The following COL6A5 variants were observed in gnomAD, a reference collection of about 807,000 sequenced individuals.
COL6A5 encodes collagen type VI alpha 5 chain.
COL6A5 carries 48 observed loss-of-function variants against 65.6 expected under a neutral mutation model. The ratio of observed to expected loss-of-function variants is 0.73; its 90% CI spans 0.58 to 0.93. The LOEUF (loss-of-function observed/expected upper bound fraction) is 0.93, where lower values mean the gene tolerates loss of function less well. Ranked by LOEUF, COL6A5 falls within the 40% of genes least tolerant of loss-of-function variation. COL6A5 has a pLI of 0.00. For synonymous variants in COL6A5, 291 were observed against 322.8 expected, an observed-to-expected ratio of 0.90 and a Z score of 1.05; for missense variants, 914 against 928.3, an observed-to-expected ratio of 0.98 and a Z score of 0.20.
upstream of COL6A5, chr3:130,431,407 G>T: frequency 6.5e-7 from 1 of 1,535,026 alleles, no homozygotes. Context: ...GTAAAGAGTT[G>T]GGGAAAGGAT....
rs1246004535 is a variant in COL6A5 at position 130,440,377 on chromosome 3, T to G, written c.795T>G (p.Tyr265Ter). 6.2e-7 allele frequency: 1 copy of G among 1,613,576 alleles called. No individual in the cohort carries two copies. Among genetic ancestry groups the G allele is most frequent in the Non-Finnish European group, 8.5e-7 (1 of 1,179,706 alleles). Residue 265 changes from tyrosine (Y) to a stop codon, truncating the protein, a stop_gained, in exon 3 of 8, where the codon TAT (tyrosine) becomes TAG (stop). Coordinates refer to ENST00000512836, the Ensembl canonical transcript of COL6A5. LOFTEE classifies it high-confidence loss of function. ...GTGATAGGATTGCTTTGTTGAGCTATTCTCCTTGGGAAAGTTCCAGGAGAA... is the reference window on the plus strand; with the variant it reads ...GTGATAGGATTGCTTTGTTGAGCTAGTCTCCTTGGGAAAGTTCCAGGAGAA...
At position 130,401,872 on chromosome 3, in the gene COL6A5, T is replaced by C. The variant is rs1413182867; in HGVS notation, c.4227+18T>C. 6.5e-7 allele frequency: 1 copy of C among 1,527,326 alleles called. No individual in the cohort carries two copies. Among genetic ancestry groups the C allele is most frequent in the African/African-American group, 1.4e-5 (1 of 72,690 alleles). 94.6% of individuals were successfully genotyped at this position (1,527,326 alleles called of 1,614,324 possible). A position where few individuals can be genotyped will look rare whatever the true frequency, so the allele number is the denominator to read the frequency against. ...CCATGAAGGTGCCACTCACCTGTGA[T>C]ACTATTTTATCTAATGTGCCTTGAT... On this transcript the variant is annotated intron_variant and NMD_transcript_variant, in intron 12 of 41. Coordinates refer to the COL6A5 transcript ENST00000312481.
intron 5 of COL6A5, among the ~76,000 whole-genome samples, chr3:130,459,039 T>C (rs1272006593): frequency 6.6e-6 from 1 of 152,160 alleles, no homozygotes; most frequent in African/African-American, 2.4e-5. Context: ...TTTTAAATGT[T>C]GTATTAACCA....
intron 1 of COL6A5, among the ~76,000 whole-genome samples, chr3:130,351,798 C>G (rs1396795047): frequency 6.6e-6 from 1 of 152,188 alleles, no homozygotes; most frequent in Non-Finnish European, 1.5e-5. Context: ...CCAGTGGTCT[C>G]TTTACTGGGT....
Position 130,423,824 on chromosome 3 carries a change from A to G in COL6A5, c.5101-14A>G, listed in dbSNP as rs1181937731. The G allele has an allele frequency of 6.5e-7, 1 of 1,544,904 alleles. No homozygotes were observed. The highest frequency in any genetic ancestry group is 2.4e-5 in the East Asian group (1 of 40,886). On this transcript the variant is annotated splice_polypyrimidine_tract_variant and intron_variant and NMD_transcript_variant, in intron 28 of 41. Coordinates refer to the COL6A5 transcript ENST00000312481. The stretch of plus-strand genomic sequence containing the variant: ...AGTGTTGAAACTAATGTATTAATAT[A>G]TTCCTATCTGCAGCTCACTGTAGGC...
At chr3:130,482,330 G>A (rs1482526656) in intron 7 of COL6A5, among the ~76,000 whole-genome samples, 2 of 152,114 alleles carry the variant, frequency 1.3e-5, no homozygotes, top group Admixed American at 1.3e-4. Context: ...GTTTTTGTCA[G>A]GTTTGTCAAA....
At chr3:130,435,064 T>C (rs1384682646) in intron 1 of COL6A5, among the ~76,000 whole-genome samples, 3 of 152,250 alleles carry the variant, frequency 2.0e-5, no homozygotes, top group Non-Finnish European at 4.4e-5. Flanking sequence ...AGGGTTTTTA[T>C]GGTTTTGGGT....
rs79845192 is a variant in COL6A5 at position 130,455,589 on chromosome 3, A to G, written c.1469A>G (p.Gln490Arg). Residue 490 changes from glutamine to arginine, a missense_variant, in exon 5 of 8, where the codon CAA becomes CGA. Transcript: ENST00000512836. Reference sequence around the variant, plus strand: ...GACTATTTGGTTTACCTTCCAAGCCAAATGTTTGAGCCACAAAAATTAATG... The same window carrying G: ...GACTATTTGGTTTACCTTCCAAGCCGAATGTTTGAGCCACAAAAATTAATG... The G allele has an allele frequency of 2.8e-3, 4,575 of 1,613,316 alleles. 128 individuals carry two copies. The Admixed American group carries it at 0.047, about 17-fold the overall frequency.
chr3:130,390,113 A>G (rs942512998), intron 6 of COL6A5, among the ~76,000 whole-genome samples: 1 of 152,194 alleles, frequency 6.6e-6, no homozygotes, highest in Non-Finnish European at 1.5e-5. Flanking sequence ...AGTGATTCCA[A>G]AACTCTTGAT....
intron 23 of COL6A5, among the ~76,000 whole-genome samples, chr3:130,416,476 C>T (rs1056155131): frequency 1.3e-5 from 2 of 152,096 alleles, no homozygotes; most frequent in Non-Finnish European, 2.9e-5. Flanking sequence ...TTGGGAATAG[C>T]ATGTGTTGAC....
At position 130,439,619 on chromosome 3, in the gene COL6A5, A is replaced by G. The variant is rs1022238244; in HGVS notation, c.581+4A>G. On this transcript the variant is annotated splice_donor_region_variant and intron_variant, in intron 2 of 7. Transcript: ENST00000512836. ...CGGCGCTGTGCACTTTGCTATGGTA[A>G]GACCAATGAAGAGAATTGACTGTGC... is the stretch of plus-strand genomic sequence containing the variant. 13 of 1,545,252 alleles carry G rather than the reference A, an allele frequency of 8.4e-6. No homozygotes were observed. The highest frequency in any genetic ancestry group is 5.9e-5 in the Admixed American group (3 of 50,924).
At chr3:130,484,574 A>G (rs879784377) in exon 8 of COL6A5, 4 of 398,914 alleles carry the variant, frequency 1.0e-5, no homozygotes, top group Admixed American at 8.8e-5. Context: ...TCAGGCTGCT[A>G]TGACCCATAG....
At chr3:130,394,713 C>T (rs79460009) in intron 7 of COL6A5, among the ~76,000 whole-genome samples, 177 bp from the exon 8 acceptor site, 3,843 of 152,128 alleles carry the variant, frequency 0.025, 87 homozygotes, top group East Asian at 0.081. Context: ...ATTATCTTTC[C>T]TCCTCTTGCT....
At chr3:130,439,636 T>C (rs1041899805) in intron 2 of COL6A5, 21 bp downstream of exon 34, 19 of 1,511,954 alleles carry the variant, frequency 1.3e-5, no homozygotes, top group Non-Finnish European at 1.7e-5. Flanking sequence ...TGAAGAGAAT[T>C]GACTGTGCTG....
chr3:130,391,990 GT>G (rs1160163471), intron 7 of COL6A5, among the ~76,000 whole-genome samples: 1 of 152,092 alleles, frequency 6.6e-6, no homozygotes, highest in Non-Finnish European at 1.5e-5. Flanking sequence ...GATGCATTCC[GT>G]GGCATTTTAC....
intron 2 of COL6A5, 63 bp downstream of exon 2, chr3:130,373,768 A>G (rs1159089362): frequency 3.1e-6 from 3 of 967,810 alleles, no homozygotes. Flanking sequence ...GTAAACTTTA[A>G]TAAACAGCAA....
At chr3:130,405,489 T>G in intron 13 of COL6A5, 99 bp from the exon 14 acceptor site, 1 of 718,318 alleles carries the variant, frequency 1.4e-6, no homozygotes, top group South Asian at 1.9e-5. Context: ...CTAAAGCTCA[T>G]AGTGCCCATG....
intron 5 of COL6A5, 128 bp downstream of exon 37, chr3:130,455,794 G>C (rs1009012848): frequency 4.4e-6 from 3 of 677,796 alleles, no homozygotes; most frequent in Non-Finnish European, 7.5e-6. Flanking sequence ...CATTATGGTA[G>C]ATACAACTTC....
chr3:130,464,527 A>G (rs1709771548), intron 5 of COL6A5, among the ~76,000 whole-genome samples: 1 of 152,110 alleles, frequency 6.6e-6, no homozygotes, highest in African/African-American at 2.4e-5. Context: ...GTAACATCTC[A>G]GGTAATGGTT....
Sources: gnomAD v4.1 joint callset for allele counts (sites outside exome capture counted in the v4.1 genomes callset) on GRCh38, gnomAD v4.1.1 for gene constraint, MANE v1.5 for transcripts, NCBI Gene and HGNC (gene_info 2026-07-23, HGNC 2026-07-21) for gene names.